Variants in CSMD1 observed in about 807,000 individuals in gnomAD.
CSMD1 encodes the protein CUB and sushi domain-containing protein 1.
Under a neutral mutation model 417.5 loss-of-function variants are expected in CSMD1, and 213 were observed. The ratio of observed to expected loss-of-function variants is 0.51; its 90% CI spans 0.46 to 0.57. The LOEUF (loss-of-function observed/expected upper bound fraction) is 0.57, where lower values mean the gene tolerates loss of function less well. CSMD1 is among the 20% of genes least tolerant of loss of function. CSMD1 has a pLI of 0.00. For synonymous variants in CSMD1, 2,862 were observed against 1,736.8 expected, an observed-to-expected ratio of 1.65 and a Z score of -16.11; for missense variants, 6,923 against 4,529.7, an observed-to-expected ratio of 1.53 and a Z score of -15.17.
intron 2 of CSMD1, among the ~76,000 whole-genome samples, chr8:4,595,753 C>T (rs995596721): frequency 6.6e-6 from 1 of 152,156 alleles, no homozygotes; most frequent in African/African-American, 2.4e-5. Flanking sequence ...CAAAGCAAAA[C>T]AAATGCCATT....
chr8:3,243,508 G>C (rs538091065), intron 26 of CSMD1, among the ~76,000 whole-genome samples: 1 of 151,996 alleles, frequency 6.6e-6, no homozygotes, highest in African/African-American at 2.4e-5. Flanking sequence ...GGGGTCACAA[G>C]ATGCTCAGCA....
Position 3,500,777 on chromosome 8 carries a change from C to T in CSMD1, c.1345-7051G>A, listed in dbSNP as rs115709304. Among the ~76,000 whole-genome samples the T allele has an allele frequency of 8.9e-3, 1,348 of 152,164 alleles. 21 individuals carry two copies. The highest frequency in any genetic ancestry group is 0.029 in the African/African-American group (1,201 of 41,520). ...GGATAACCATGGCAAGAAAGAACAG[C>T]AGAGTTGTAGGCATGGAAGAAGCGC... On this transcript the variant is annotated intron_variant, in intron 10 of 69. Transcript: ENST00000635120.
At position 2,962,495 on chromosome 8, in the gene CSMD1, G is replaced by C; in HGVS notation, c.9599C>G (p.Thr3200Arg). The change falls in exon 61 of 70, where the codon ACG becomes AGG. Residue 3200 changes from threonine to arginine, a missense_variant. Physicochemically the swap from Thr to Arg is moderately conservative, Grantham distance 71. Coordinates refer to ENST00000635120, the MANE Select transcript of CSMD1 (RefSeq NM_033225.6). ...SSRRVCQADG[T>R]WSGIQPTCID... ...GCAGGTGGGTTGTATGCCGCTCCAC[G>C]TGCCGTCAGCTTGGCAGACTCTTCT... 1 of 1,613,840 alleles carries C rather than the reference G, an allele frequency of 6.2e-7. No homozygotes were observed. The highest frequency in any genetic ancestry group is 1.1e-5 in the South Asian group (1 of 91,064).
intron 26 of CSMD1, among the ~76,000 whole-genome samples, chr8:3,256,056 G>A (rs1346966701): frequency 6.6e-6 from 1 of 152,098 alleles, no homozygotes; most frequent in African/African-American, 2.4e-5. Context: ...AGCCGGGTGA[G>A]GTGGCTCACA....
chr8:3,515,096 C>T (rs1797231524), intron 10 of CSMD1, among the ~76,000 whole-genome samples: 1 of 152,122 alleles, frequency 6.6e-6, no homozygotes, highest in Non-Finnish European at 1.5e-5. Flanking sequence ...ACATTTTACA[C>T]ATTTAAAAAA....
intron 7 of CSMD1, among the ~76,000 whole-genome samples, chr8:3,659,504 C>T (rs1043238147): frequency 6.6e-6 from 1 of 152,142 alleles, no homozygotes; most frequent in Non-Finnish European, 1.5e-5. Flanking sequence ...CAAGGTCAAA[C>T]TGTTATTCTC....
chr8:4,076,369 C>T (rs1038313517), intron 3 of CSMD1, among the ~76,000 whole-genome samples: 10 of 152,162 alleles, frequency 6.6e-5, no homozygotes, highest in Non-Finnish European at 1.5e-4. Context: ...TTAAAAGTTA[C>T]CCTGTCTGAG....
intron 4 of CSMD1, among the ~76,000 whole-genome samples, chr8:4,024,633 A>T (rs769623273): frequency 6.6e-6 from 1 of 152,128 alleles, no homozygotes; most frequent in Non-Finnish European, 1.5e-5. Context: ...TACAAGCAGG[A>T]TCTTGCATTT....
At chr8:4,938,174 T>A (rs979844022) in intron 1 of CSMD1, among the ~76,000 whole-genome samples, 2 of 152,160 alleles carry the variant, frequency 1.3e-5, no homozygotes, top group African/African-American at 4.8e-5. Context: ...TGGGGAAATA[T>A]AGAAATAGTC....
At chr8:4,450,336 G>C (rs996874393) in intron 2 of CSMD1, among the ~76,000 whole-genome samples, 2 of 152,098 alleles carry the variant, frequency 1.3e-5, no homozygotes. Context: ...TTTTTTTAAA[G>C]ATATTTAGTA....
intron 3 of CSMD1, among the ~76,000 whole-genome samples, chr8:4,253,926 T>A (rs1252234797): frequency 3.3e-5 from 4 of 122,316 alleles, no homozygotes; most frequent in South Asian, 3.2e-4. Flanking sequence ...TTTTTTTTTT[T>A]TTTTTTTTGA....
intron 1 of CSMD1, among the ~76,000 whole-genome samples, chr8:4,929,207 C>G (rs1807072718): frequency 6.6e-6 from 1 of 152,138 alleles, no homozygotes; most frequent in South Asian, 2.1e-4. Flanking sequence ...CGAGGGGACA[C>G]AGTGAGAAGG....
At chr8:3,420,855 TA>T (rs1291297418) in intron 12 of CSMD1, among the ~76,000 whole-genome samples, 1 of 152,146 alleles carries the variant, frequency 6.6e-6, no homozygotes, top group Non-Finnish European at 1.5e-5. Flanking sequence ...TCCAATATAT[TA>T]AAAATAATAA....
In CSMD1 at chr8:4,609,542, A is replaced by C. The variant is rs116561470; in HGVS notation, c.302+27800T>G. 7.5e-3 allele frequency among the ~76,000 whole-genome samples: 1,135 copies of C among 152,328 alleles called. 11 individuals carry two copies. The highest frequency in any genetic ancestry group is 0.068 in the Middle Eastern group (20 of 294). ...AACAACACTATGCTTTCTTTATTGTACTAAACACTTTATGTACAAAAGTGA... is the reference window on the plus strand; with the variant it reads ...AACAACACTATGCTTTCTTTATTGTCCTAAACACTTTATGTACAAAAGTGA... On this transcript the variant is annotated intron_variant, in intron 2 of 69. Transcript: ENST00000635120.
chr8:4,084,175 G>A (rs185131552), intron 3 of CSMD1, among the ~76,000 whole-genome samples: 2 of 151,992 alleles, frequency 1.3e-5, no homozygotes, highest in East Asian at 3.9e-4. Flanking sequence ...AAAAGAGAAA[G>A]AATTTTAAAA....
At chr8:4,184,476 G>A (rs1246312327) in intron 3 of CSMD1, among the ~76,000 whole-genome samples, 1 of 152,084 alleles carries the variant, frequency 6.6e-6, no homozygotes, top group African/African-American at 2.4e-5. Flanking sequence ...GGCCACCAAT[G>A]GCAGACTGGA....
rs192518269 is a variant in CSMD1, at chr8:4,029,833, T to C, written c.610+2072A>G. Among the ~76,000 whole-genome samples, 16 of 152,288 alleles carry C rather than the reference T, an allele frequency of 1.1e-4. No individual in the cohort carries two copies. The East Asian group carries it at 2.5e-3, about 24-fold the overall frequency. Reference sequence around the variant, plus strand: ...GTATAATAAAATACAAGCTAGTTACTTCCTAGACAAATGCAGGCACAAGAA... The same window carrying C: ...GTATAATAAAATACAAGCTAGTTACCTCCTAGACAAATGCAGGCACAAGAA... On this transcript the variant is annotated intron_variant, in intron 4 of 69. Coordinates refer to ENST00000635120, the MANE Select transcript of CSMD1 (RefSeq NM_033225.6).
At chr8:3,307,661 T>C in intron 25 of CSMD1, 34 bp downstream of exon 25, 1 of 1,605,158 alleles carries the variant, frequency 6.2e-7, no homozygotes, top group Non-Finnish European at 8.5e-7. Flanking sequence ...ATATCTCTTT[T>C]CTCAAATCAC....
At chr8:3,671,085 A>G (rs1799003642) in intron 7 of CSMD1, among the ~76,000 whole-genome samples, 1 of 137,428 alleles carries the variant, frequency 7.3e-6, no homozygotes, top group South Asian at 2.4e-4. Flanking sequence ...ATATACATAT[A>G]AGGGATATAT....
Sources: allele counts gnomAD v4.1 joint callset (sites outside exome capture counted in the v4.1 genomes callset), GRCh38; gene constraint gnomAD v4.1.1; transcripts MANE v1.5; gene names NCBI Gene and HGNC (gene_info 2026-07-23, HGNC 2026-07-21).